The following RGL1 variants were observed in gnomAD, a reference collection of about 807,000 sequenced individuals.
RGL1 encodes the protein ral guanine nucleotide dissociation stimulator like 1, also known as ral guanine nucleotide dissociation stimulator-like 1.
Under a neutral mutation model 95.2 loss-of-function variants are expected in RGL1, and 24 were observed. The observed-to-expected ratio is 0.25, with a 90% CI of 0.18 to 0.35. The LOEUF is 0.35. RGL1 is among the 10% of genes least tolerant of loss of function. The probability of loss-of-function intolerance (pLI) is 1.00; values close to 1 mark genes in which losing one functional copy is unlikely to be tolerated. For synonymous variants in RGL1, 329 were observed against 344.9 expected (o/e 0.95, Z 0.51); for missense variants, 715 against 936.3 (o/e 0.76, Z 3.08).
chr1:183,823,068 C>T (rs1264713947), intron 2 of RGL1, among the ~76,000 whole-genome samples: 1 of 152,154 alleles, frequency 6.6e-6, no homozygotes, highest in African/African-American at 2.4e-5. Context: ...CAAGCCAAAG[C>T]ACTTTGTACT....
At chr1:183,741,724 T>C (rs1657318927) in intron 1 of RGL1, among the ~76,000 whole-genome samples, 1 of 152,166 alleles carries the variant, frequency 6.6e-6, no homozygotes, top group African/African-American at 2.4e-5. Context: ...AGAGTAAAAC[T>C]CTTGACATCA....
At chr1:183,647,917 C>A in intron 1 of RGL1, 7 of 1,614,134 alleles carry the variant, frequency 4.3e-6, no homozygotes, top group Non-Finnish European at 5.9e-6. Flanking sequence ...ACAACAGGAG[C>A]CCTGAGGTCT....
At chr1:183,919,902 G>A (rs1669217431) in intron 16 of RGL1, among the ~76,000 whole-genome samples, 1 of 152,206 alleles carries the variant, frequency 6.6e-6, no homozygotes, top group African/African-American at 2.4e-5. Context: ...AAATTGAGAT[G>A]AGCTGAGGGT....
chr1:183,922,278 T>C lies in RGL1; in HGVS notation c.2061T>C (p.Asn687=). ...AVIQRAMLKH[N]LDSDPAEEYE... ...TCCAGAGAGCCATGCTGAAGCACAA[T>C]CTGGACTCAGACCCCGCCGAGGAGT... Residue 687 remains asparagine (N), a synonymous_variant, in exon 17 of 18, where the codon AAT becomes AAC. Transcript: ENST00000360851. The C allele has an allele frequency of 5.0e-6, 8 of 1,614,068 alleles. No individual in the cohort carries two copies. Among genetic ancestry groups the C allele is most frequent in the Non-Finnish European group, 6.8e-6 (8 of 1,180,016 alleles).
chr1:183,834,339 T>C (rs1404763771), intron 2 of RGL1, among the ~76,000 whole-genome samples: 1 of 152,166 alleles, frequency 6.6e-6, no homozygotes, highest in African/African-American at 2.4e-5. Flanking sequence ...TGATAATTAA[T>C]TGAACTGGAA....
chr1:183,898,841 T>C (rs1007891982), intron 10 of RGL1, among the ~76,000 whole-genome samples: 3 of 152,208 alleles, frequency 2.0e-5, no homozygotes, highest in Non-Finnish European at 4.4e-5. Flanking sequence ...CACAAAGCAG[T>C]TCTGGCTGAG....
At chr1:183,671,819 C>T (rs1348045665) in intron 1 of RGL1, among the ~76,000 whole-genome samples, 15 of 152,148 alleles carry the variant, frequency 9.9e-5, no homozygotes, top group Non-Finnish European at 1.0e-4. Flanking sequence ...ATATGGTGAG[C>T]TCTGAAAATC....
intron 1 of RGL1, among the ~76,000 whole-genome samples, chr1:183,805,971 C>CTTTTCTTTTT (rs1661282214): frequency 4.0e-5 from 3 of 74,672 alleles, no homozygotes; most frequent in African/African-American, 1.0e-4. Context: ...CTTTTCTTTT[C>CTTTTCTTTTT]TTTTTTTTTT....
At chr1:183,720,298 G>C (rs918970407) in intron 1 of RGL1, among the ~76,000 whole-genome samples, 7 of 152,156 alleles carry the variant, frequency 4.6e-5, no homozygotes. Flanking sequence ...TCTGTGCCTG[G>C]CTCCTAAAAA....
At chr1:183,850,157 G>C (rs1409848343) in intron 3 of RGL1, among the ~76,000 whole-genome samples, 2 of 152,110 alleles carry the variant, frequency 1.3e-5, no homozygotes, top group African/African-American at 4.8e-5. Flanking sequence ...CTTATTGGCT[G>C]TTTGTGTTTT....
At chr1:183,703,145 G>A (rs748319543) in intron 1 of RGL1, among the ~76,000 whole-genome samples, 1 of 152,150 alleles carries the variant, frequency 6.6e-6, no homozygotes, top group Non-Finnish European at 1.5e-5. Flanking sequence ...TCCCCCCGCC[G>A]GCTTCCAGGC....
chr1:183,648,494 T>C, intron 1 of RGL1: 1 of 1,614,210 alleles, frequency 6.2e-7, no homozygotes, highest in South Asian at 1.1e-5. Flanking sequence ...CAAAGAGCAT[T>C]GATTCTGGAT....
intron 2 of RGL1, among the ~76,000 whole-genome samples, chr1:183,788,922 C>A (rs1183667963): frequency 2.0e-5 from 3 of 152,178 alleles, no homozygotes; most frequent in Non-Finnish European, 4.4e-5. Flanking sequence ...TCTTCCCCTA[C>A]CCACCCCTTC....
In RGL1 at chr1:183,860,396, C is replaced by T. The variant is rs111698587; in HGVS notation, c.348-5600C>T. ...AGAAGAGTAAAACCAGAGTCCTTGC[C>T]ACAGCCTACCTACCAGGCCCTCAGC... is the stretch of plus-strand genomic sequence containing the variant. On this transcript the variant is annotated intron_variant, in intron 3 of 17. Transcript: ENST00000360851. Among the ~76,000 whole-genome samples, 1,353 of 152,244 alleles carry T rather than the reference C, an allele frequency of 8.9e-3. 17 individuals carry two copies. The highest frequency in any genetic ancestry group is 0.031 in the African/African-American group (1,302 of 41,538).
upstream of RGL1, among the ~76,000 whole-genome samples, chr1:183,802,600 C>CAAAAAAAA (rs34038144): frequency 1.6e-4 from 14 of 90,062 alleles, no homozygotes; most frequent in East Asian, 3.5e-3. Flanking sequence ...GGTGTATCAG[C>CAAAAAAAA]AAAAAAAAAA....
intron 1 of RGL1, 24 bp downstream of exon 1, chr1:183,805,348 C>T (rs779317675): frequency 1.3e-6 from 2 of 1,595,856 alleles, no homozygotes; most frequent in Non-Finnish European, 1.7e-6. Context: ...TCTGCCTTCT[C>T]CCGAGGCTTC....
At chr1:183,905,818 A>G (rs987667306) in intron 13 of RGL1, among the ~76,000 whole-genome samples, 2 of 151,946 alleles carry the variant, frequency 1.3e-5, no homozygotes, top group African/African-American at 2.4e-5. Context: ...GGTGGGGGGG[A>G]ACAAAAAAAG....
Position 183,679,142 on chromosome 1 carries a change from C to A in RGL1, c.-33+42641C>A, listed in dbSNP as rs549225305. On this transcript the variant is annotated intron_variant, in intron 1 of 18. Coordinates refer to the RGL1 transcript ENST00000304685. ...GCTTCAGCAGAGCCTAAAACTTAGT[C>A]TTTCCCTTGTAGAACCTTTTAAATT... is the stretch of plus-strand genomic sequence containing the variant. Among the ~76,000 whole-genome samples the A allele has an allele frequency of 3.3e-5, 5 of 152,204 alleles. No individual in the cohort carries two copies. The East Asian group carries it at 9.6e-4, about 29-fold the overall frequency.
At chr1:183,644,130 G>A (rs1650128472) in intron 1 of RGL1, among the ~76,000 whole-genome samples, 1 of 152,094 alleles carries the variant, frequency 6.6e-6, no homozygotes, top group Non-Finnish European at 1.5e-5. Flanking sequence ...AAATAAATAT[G>A]GATTCTTTCA....
Sources: allele counts gnomAD v4.1 joint callset (sites outside exome capture counted in the v4.1 genomes callset), GRCh38; gene constraint gnomAD v4.1.1; transcripts MANE v1.5; gene names NCBI Gene and HGNC (gene_info 2026-07-23, HGNC 2026-07-21).